TPR: variants seen among roughly 807,000 people sequenced by gnomAD.
TPR encodes nucleoprotein TPR.
A neutral mutation model predicts 316.1 loss-of-function variants in TPR; 51 were observed. That is an observed-to-expected ratio of 0.16 (90% CI 0.13 to 0.20). TPR has a LOEUF of 0.20. Among genes scored for constraint, TPR ranks in the 10% least tolerant of loss-of-function variants. The pLI is 1.00. For synonymous variants in TPR, 981 were observed against 914.7 expected, an observed-to-expected ratio of 1.07 and a Z score of -1.31; for missense variants, 2,272 against 2,754.8, an observed-to-expected ratio of 0.82 and a Z score of 3.92.
In TPR at chr1:186,334,475, G is replaced by C. The variant is rs200748289; in HGVS notation, c.5032C>G (p.Pro1678Ala). ...ATAGCTGCAGCTGTCACTTTACTTGGAGTAGACACAACAGGAGTTGGCTTG... is the reference window on the plus strand; with the variant it reads ...ATAGCTGCAGCTGTCACTTTACTTGCAGTAGACACAACAGGAGTTGGCTTG... ...NIKPTPVVST[P>A]SKVTAAAMAG... is the part of the protein sequence containing the mutation. The change falls in exon 36 of 51, where the codon CCA (proline) becomes GCA (alanine). Residue 1678 changes from proline (P) to alanine (A), a missense_variant. Transcript: ENST00000367478. 17 of 1,613,762 alleles carry C rather than the reference G, an allele frequency of 1.1e-5. No individual in the cohort carries two copies. The highest frequency in any genetic ancestry group is 1.4e-5 in the Non-Finnish European group (16 of 1,179,762).
At chr1:186,318,356 C>A in intron 48 of TPR, 91 bp downstream of exon 48, 4 of 1,442,166 alleles carry the variant, frequency 2.8e-6, no homozygotes, top group Non-Finnish European at 1.9e-6. Flanking sequence ...AAACAAAACA[C>A]AACTTTGCAG....
At chr1:186,372,171 G>A (rs1659549456) in intron 2 of TPR, among the ~76,000 whole-genome samples, 1 of 152,216 alleles carries the variant, frequency 6.6e-6, no homozygotes, top group Admixed American at 6.5e-5. Flanking sequence ...CATTAAGAAG[G>A]AAAGCTGCAA....
At position 186,333,792 on chromosome 1, in the gene TPR, A is replaced by G. The variant is rs1658252820; in HGVS notation, c.5183-398T>C. On this transcript the variant is annotated intron_variant, in intron 36 of 50. Coordinates refer to ENST00000367478, the MANE Select transcript of TPR (RefSeq NM_003292.3). ...ATGTAGCTGAAATAAAACATTCTCT[A>G]CTTTCACAGCACAGAAATACTTGAA... Among the ~76,000 whole-genome samples the G allele has an allele frequency of 1.2e-4, 19 of 152,194 alleles. 1 individual carries two copies. The highest frequency in any genetic ancestry group is 1.2e-3 in the Admixed American group (19 of 15,262).
intron 4 of TPR, among the ~76,000 whole-genome samples, chr1:186,366,555 TA>T (rs1558038159): frequency 6.6e-6 from 1 of 152,208 alleles, no homozygotes; most frequent in Non-Finnish European, 1.5e-5. Flanking sequence ...CTGTGTTGTT[TA>T]AGGGTCAACT....
In TPR at chr1:186,356,270, C is replaced by T; in HGVS notation, c.1888+16G>A. ...ATTTCTAAATTATTCCTTAAAATAA[C>T]TTTATAAAAACCTACCATGTAATGG... On this transcript the variant is annotated intron_variant, in intron 15 of 50. Transcript: ENST00000367478. The T allele has an allele frequency of 6.4e-7, 1 of 1,569,138 alleles. No individual in the cohort carries two copies. Among genetic ancestry groups the T allele is most frequent in the Non-Finnish European group, 8.7e-7 (1 of 1,151,948 alleles).
Position 186,344,508 on chromosome 1 carries a change from G to T in TPR, c.3284C>A (p.Ala1095Asp). The T allele has an allele frequency of 6.2e-7, 1 of 1,613,334 alleles. No individual in the cohort carries two copies. ...AACCTGCTCCTTCGCAGCTTGTAGA[G>T]CTTCAACATCAGCAGCATGCAGCAT... is the stretch of plus-strand genomic sequence containing the variant. Reference protein sequence around the residue: ...ELMLHAADVEALQAAKEQVSK... With the variant: ...ELMLHAADVEDLQAAKEQVSK... The change falls in exon 25 of 51, where the codon GCT (alanine) becomes GAT (aspartate). Residue 1095 changes from alanine (A) to aspartate (D), a missense_variant. Coordinates refer to ENST00000367478, the MANE Select transcript of TPR (RefSeq NM_003292.3).
At chr1:186,340,927 G>T (rs1041994683) in intron 29 of TPR, 101 bp downstream of exon 29, 15 of 1,416,742 alleles carry the variant, frequency 1.1e-5, no homozygotes, top group Non-Finnish European at 1.3e-5. Context: ...AATAAACACA[G>T]TAATTTTCAC....
In TPR at chr1:186,360,292, G is replaced by C. The variant is rs1362139228; in HGVS notation, c.1172C>G (p.Pro391Arg). The C allele has an allele frequency of 4.3e-6, 7 of 1,613,220 alleles. No homozygotes were observed. The highest frequency in any genetic ancestry group is 3.3e-5 in the South Asian group (3 of 91,044). The change falls in exon 11 of 51, where the codon CCT becomes CGT. Residue 391 changes from proline to arginine, a missense_variant. Pro to Arg is a moderately radical substitution (Grantham distance 103). Transcript: ENST00000367478. Reference sequence around the variant, plus strand: ...TCTTACCTCAGTTAGTTTCATCCCAGGTTTCACTATCTTAGCTACAGCTGC... The same window carrying C: ...TCTTACCTCAGTTAGTTTCATCCCACGTTTCACTATCTTAGCTACAGCTGC... ...TAAAVAKIVKPGMKLTELYNA... is the reference protein window; with the variant it reads ...TAAAVAKIVKRGMKLTELYNA...
Position 186,350,205 on chromosome 1 carries a change from T to A in TPR, c.2776+18A>T. ...ACTTGTTTATTTACAATTATATTGG[T>A]CTACTTATTTTATTTACCTTTACCA... On this transcript the variant is annotated intron_variant, in intron 21 of 50. Coordinates refer to ENST00000367478, the MANE Select transcript of TPR (RefSeq NM_003292.3). 6.3e-7 allele frequency: 1 copy of A among 1,585,574 alleles called. No homozygotes were observed. The highest frequency in any genetic ancestry group is 8.6e-7 in the Non-Finnish European group (1 of 1,168,692).
At chr1:186,360,630 A>T in intron 10 of TPR, 135 bp downstream of exon 10, 1 of 1,220,182 alleles carries the variant, frequency 8.2e-7, no homozygotes, top group South Asian at 1.5e-5. Flanking sequence ...ATTTTAAAAC[A>T]AATTCTATTA....
Position 186,374,956 on chromosome 1 carries a change from G to A in TPR, c.73C>T (p.Leu25Phe), listed in dbSNP as rs778359351. The A allele has an allele frequency of 2.3e-5, 37 of 1,612,838 alleles. No homozygotes were observed. The highest frequency in any genetic ancestry group is 3.0e-5 in the Non-Finnish European group (35 of 1,179,044). ...TGCTGATCAGCAAGGAACTTTTCAA[G>A]TTTGTTCTGGACAGACTTGGGCAGC... ...NKLPKSVQNK[L>F]EKFLADQQSE... is the part of the protein sequence containing the mutation. The change falls in exon 1 of 51, where the codon CTT becomes TTT. Residue 25 changes from leucine to phenylalanine, a missense_variant. Physicochemically the swap from Leu to Phe is conservative, Grantham distance 22. Coordinates refer to ENST00000367478, the MANE Select transcript of TPR (RefSeq NM_003292.3).
chr1:186,371,040 T>C lies in TPR; in HGVS notation c.260A>G (p.Asn87Ser), dbSNP rs767939292. 5.0e-6 allele frequency: 8 copies of C among 1,612,646 alleles called. No individual in the cohort carries two copies. The highest frequency in any genetic ancestry group is 2.2e-5 in the East Asian group (1 of 44,746). The change falls in exon 3 of 51, where the codon AAT (asparagine) becomes AGT (serine). Residue 87 changes from asparagine (N) to serine (S), a missense_variant. Asn to Ser is a conservative substitution (Grantham distance 46). Transcript: ENST00000367478. Reference sequence around the variant, plus strand: ...TTTCTCAGTTAGTGCCTTCAGTTGATTGTCTGGATAAAAGGAATTTTATGA... The same window carrying C: ...TTTCTCAGTTAGTGCCTTCAGTTGACTGTCTGGATAAAAGGAATTTTATGA... ...SLRLELEKLN[N>S]QLKALTEKNK...
In TPR at chr1:186,352,104, C is replaced by T. The variant is rs1291170212; in HGVS notation, c.2341G>A (p.Ala781Thr). ...NEKLAVAEVRAENLKKEKEML... is the reference protein window; with the variant it reads ...NEKLAVAEVRTENLKKEKEML... Reference sequence around the variant, plus strand: ...TCCTTTTCCTTCTTCAAATTTTCTGCTCTTACCTAAACATAAGTAGAAATG... The same window carrying T: ...TCCTTTTCCTTCTTCAAATTTTCTGTTCTTACCTAAACATAAGTAGAAATG... Residue 781 changes from alanine (A) to threonine (T), a missense_variant, in exon 19 of 51, where the codon GCA (alanine) becomes ACA (threonine). By Grantham distance (58) the Ala-to-Thr change is moderately conservative. Transcript: ENST00000367478. 3.1e-6 allele frequency: 5 copies of T among 1,599,450 alleles called. No individual in the cohort carries two copies. Among genetic ancestry groups the T allele is most frequent in the Non-Finnish European group, 4.3e-6 (5 of 1,175,744 alleles).
Position 186,313,732 on chromosome 1 carries a change from C to G in TPR, c.*239G>C. 1.9e-6 allele frequency: 3 copies of G among 1,610,448 alleles called. No homozygotes were observed. The highest frequency in any genetic ancestry group is 2.5e-6 in the Non-Finnish European group (3 of 1,176,834). ...AGTAGAACAGCAAGAGCAATTACTA[C>G]TCGTTCTGGGCAGACCTTATCCAAA... On this transcript the variant is annotated 3_prime_UTR_variant, in exon 51 of 51. Coordinates refer to ENST00000367478, the MANE Select transcript of TPR (RefSeq NM_003292.3).
chr1:186,336,296 T>C (rs1290014102), intron 33 of TPR, among the ~76,000 whole-genome samples, 200 bp downstream of exon 33: 2 of 152,176 alleles, frequency 1.3e-5, no homozygotes, highest in Non-Finnish European at 2.9e-5. Context: ...AAAAATTTCA[T>C]CATATCAAGG....
intron 20 of TPR, among the ~76,000 whole-genome samples, chr1:186,350,815 C>T (rs755555261): frequency 2.0e-5 from 3 of 152,076 alleles, no homozygotes; most frequent in Non-Finnish European, 4.4e-5. Flanking sequence ...ATCAGAGTAG[C>T]GATCGCTGCA....
At chr1:186,323,942 T>A in intron 42 of TPR, 72 bp from the exon 43 acceptor site, 3 of 1,424,930 alleles carry the variant, frequency 2.1e-6, no homozygotes, top group Non-Finnish European at 1.9e-6. Flanking sequence ...TCCCTAGAAG[T>A]ATAAATCTTG....
At chr1:186,345,128 C>CATACACTCAAAATACATACATAA (rs1420271875) in intron 24 of TPR, among the ~76,000 whole-genome samples, 1 of 152,154 alleles carries the variant, frequency 6.6e-6, no homozygotes, top group Non-Finnish European at 1.5e-5. Context: ...CACATACATA[C>CATACACTCAAAATACATACATAA]ATACACTCAA....
intron 2 of TPR, among the ~76,000 whole-genome samples, chr1:186,371,592 GT>G (rs1264758782): frequency 1.3e-5 from 2 of 151,922 alleles, no homozygotes; most frequent in African/African-American, 4.8e-5. Context: ...CTTACATGCA[GT>G]TTCTCTTCTA....
Sources: gnomAD v4.1 joint callset for allele counts (sites outside exome capture counted in the v4.1 genomes callset) on GRCh38, gnomAD v4.1.1 for gene constraint, MANE v1.5 for transcripts, NCBI Gene and HGNC (gene_info 2026-07-23, HGNC 2026-07-21) for gene names.